The following DLG2 variants were observed in gnomAD, a reference collection of about 807,000 sequenced individuals.
DLG2 encodes the protein disks large homolog 2.
In DLG2, 45 loss-of-function variants were observed where a neutral mutation model predicts 132.5. The ratio of observed to expected loss-of-function variants is 0.34; its 90% CI spans 0.27 to 0.44. DLG2 has a LOEUF of 0.44. Ranked by LOEUF, DLG2 falls within the 20% of genes least tolerant of loss-of-function variation. The pLI, the probability that DLG2 is intolerant of heterozygous loss-of-function variation, is 1.00. For synonymous variants in DLG2, 424 were observed against 419.6 expected, an observed-to-expected ratio of 1.01 and a Z score of -0.13; for missense variants, 1,045 against 1,196.9, an observed-to-expected ratio of 0.87 and a Z score of 1.87.
intron 6 of DLG2, among the ~76,000 whole-genome samples, chr11:85,049,341 G>A (rs536610037): frequency 2.0e-5 from 3 of 152,048 alleles, no homozygotes; most frequent in East Asian, 3.9e-4. Context: ...GACTATTTCC[G>A]TGAGGGTAAA....
At chr11:83,463,568 C>A (rs2090455504) in intron 26 of DLG2, among the ~76,000 whole-genome samples, 1 of 152,164 alleles carries the variant, frequency 6.6e-6, no homozygotes, top group African/African-American at 2.4e-5. Flanking sequence ...GCAGGTGGAT[C>A]ACTTGTGCTC....
intron 7 of DLG2, among the ~76,000 whole-genome samples, chr11:84,454,067 G>A (rs2099058794): frequency 1.3e-5 from 2 of 151,616 alleles, no homozygotes; most frequent in South Asian, 2.1e-4. Flanking sequence ...AGTTCTACCT[G>A]AGGTTGCCTC....
intron 6 of DLG2, among the ~76,000 whole-genome samples, chr11:84,783,327 T>C (rs2072174052): frequency 6.6e-6 from 1 of 151,846 alleles, no homozygotes; most frequent in African/African-American, 2.4e-5. Flanking sequence ...GGACAATTTC[T>C]AAGATCCCTT....
At chr11:84,923,025 C>T (rs562235183) in intron 6 of DLG2, 8 of 1,608,896 alleles carry the variant, frequency 5.0e-6, no homozygotes, top group Non-Finnish European at 6.0e-6. Flanking sequence ...ACATTTTCTG[C>T]AGCTGGTTTA....
intron 16 of DLG2, among the ~76,000 whole-genome samples, chr11:83,838,265 TA>T: frequency 6.6e-6 from 1 of 152,234 alleles, no homozygotes; most frequent in Non-Finnish European, 1.5e-5. Flanking sequence ...AAAATGTTAA[TA>T]GTGGAATCTA....
At chr11:85,441,066 A>G (rs1391566659) in intron 3 of DLG2, among the ~76,000 whole-genome samples, 2 of 152,220 alleles carry the variant, frequency 1.3e-5, no homozygotes, top group East Asian at 3.8e-4. Flanking sequence ...TGTAACTTGT[A>G]TTAAAACAGG....
chr11:85,235,679 T>C (rs765948796), intron 4 of DLG2, among the ~76,000 whole-genome samples: 8 of 152,024 alleles, frequency 5.3e-5, no homozygotes, highest in Middle Eastern at 3.4e-3. Flanking sequence ...TATAAGTAAG[T>C]TGACATAAGT....
intron 17 of DLG2, among the ~76,000 whole-genome samples, chr11:83,829,030 T>C (rs1270623360): frequency 6.6e-6 from 1 of 152,170 alleles, no homozygotes; most frequent in African/African-American, 2.4e-5. Flanking sequence ...TTGTCTATTA[T>C]GCAAGTCTCT....
chr11:84,796,870 G>T (rs932904260), intron 6 of DLG2, among the ~76,000 whole-genome samples: 1 of 137,768 alleles, frequency 7.3e-6, no homozygotes, highest in African/African-American at 2.9e-5. Context: ...TTTAGAGACA[G>T]AGTTTAGCTC....
At chr11:84,624,464 T>C (rs2099618837) in intron 6 of DLG2, among the ~76,000 whole-genome samples, 1 of 152,146 alleles carries the variant, frequency 6.6e-6, no homozygotes, top group Middle Eastern at 3.2e-3. Flanking sequence ...TATATTATTT[T>C]TATTATCACT....
rs776323320 is a variant in DLG2, at chr11:83,963,000, G to T, written c.1225C>A (p.His409Asn). The change falls in exon 14 of 28, where the codon CAT becomes AAT. Residue 409 changes from histidine to asparagine, a missense_variant. This residue lies in a region of DLG2 where 261 missense variants were observed against 256.1 expected (regional missense o/e 1.02). Coordinates refer to ENST00000376104, the MANE Select transcript of DLG2 (RefSeq NM_001142699.3). Reference protein sequence around the residue: ...THSYSPPMENHLLSGNNGTLE... With the variant: ...THSYSPPMENNLLSGNNGTLE... ...GTGCCATTGTTGCCAGAGAGTAGAT[G>T]GTTTTCCATTGGTGGAGAATAAGCT... The T allele has an allele frequency of 6.2e-7, 1 of 1,612,864 alleles. No homozygotes were observed. The highest frequency in any genetic ancestry group is 1.1e-5 in the South Asian group (1 of 91,066).
intron 10 of DLG2, 120 bp downstream of exon 10, chr11:84,098,800 TGCC>T: frequency 8.9e-7 from 1 of 1,129,362 alleles, no homozygotes; most frequent in South Asian, 1.5e-5. Flanking sequence ...TCAGGAAGCT[TGCC>T]TTAAAAATCT....
intron 5 of DLG2, among the ~76,000 whole-genome samples, chr11:85,145,877 T>C (rs1326869825): frequency 6.6e-6 from 1 of 152,138 alleles, no homozygotes; most frequent in Non-Finnish European, 1.5e-5. Flanking sequence ...TTCCTGGATG[T>C]TCTTGATGCT....
At chr11:85,496,658 C>T (rs548260012) in intron 3 of DLG2, among the ~76,000 whole-genome samples, 2 of 152,160 alleles carry the variant, frequency 1.3e-5, no homozygotes, top group Admixed American at 1.3e-4. Flanking sequence ...CTGGGAGACA[C>T]CTCCCAGTAG....
chr11:83,825,171 ATTTTTTTTTTTTTT>A (rs10566177), intron 17 of DLG2, among the ~76,000 whole-genome samples: 31 of 72,610 alleles, frequency 4.3e-4, no homozygotes, highest in African/African-American at 1.4e-3. Context: ...ATATATATAT[ATTTTTTTTTTTTTT>A]TTTTTTTTTT....
chr11:84,293,788 TGAAGA>T (rs1478410680), intron 7 of DLG2, among the ~76,000 whole-genome samples: 1 of 152,166 alleles, frequency 6.6e-6, no homozygotes, highest in Non-Finnish European at 1.5e-5. Flanking sequence ...GTTGCTGAAG[TGAAGA>T]GATGATTATA....
At chr11:85,438,555 T>C (rs1015194489) in intron 3 of DLG2, among the ~76,000 whole-genome samples, 2 of 152,228 alleles carry the variant, frequency 1.3e-5, no homozygotes, top group Non-Finnish European at 2.9e-5. Context: ...TTATACACTT[T>C]ACACAGTTTC....
In DLG2 at chr11:84,393,680, T is replaced by C. The variant is rs1265298598; in HGVS notation, c.519+140890A>G. ...ATTTTTGCTCTTAATTTGCCCAAAC[T>C]GTTTTGTGTTTATTTTTTTCTTTCT... On this transcript the variant is annotated intron_variant, in intron 7 of 27. Transcript: ENST00000376104. Among the ~76,000 whole-genome samples, 9 of 150,580 alleles carry C rather than the reference T, an allele frequency of 6.0e-5. No homozygotes were observed. The East Asian group carries it at 1.7e-3, about 29-fold the overall frequency.
intron 9 of DLG2, among the ~76,000 whole-genome samples, chr11:84,110,626 G>A (rs1274959393): frequency 1.3e-5 from 2 of 152,172 alleles, no homozygotes; most frequent in Non-Finnish European, 2.9e-5. Context: ...AGATAGGTTG[G>A]AAGTATCCTT....
Sources: allele counts gnomAD v4.1 joint callset (sites outside exome capture counted in the v4.1 genomes callset), GRCh38; gene constraint gnomAD v4.1.1; regional missense constraint gnomAD v4.1.1; transcripts MANE v1.5; gene names NCBI Gene and HGNC (gene_info 2026-07-23, HGNC 2026-07-21).